The following AP2A1 variants were observed in gnomAD, a reference collection of about 807,000 sequenced individuals.
AP2A1 encodes adaptor related protein complex 2 subunit alpha 1, also known as AP-2 complex subunit alpha-1.
Under a neutral mutation model 107.3 loss-of-function variants are expected in AP2A1, and 21 were observed. The observed-to-expected ratio is 0.20, with a 90% CI of 0.14 to 0.28. The LOEUF (loss-of-function observed/expected upper bound fraction) is 0.28. Among genes scored for constraint, AP2A1 ranks in the 10% least tolerant of loss-of-function variants. AP2A1 has a pLI of 1.00. For missense variants in AP2A1, 873 were observed against 1,307.7 expected (o/e 0.67, Z 5.13); for synonymous variants, 602 against 564.8 (o/e 1.07, Z -0.93).
At chr19:49,787,151 C>T (rs1255448753) in intron 4 of AP2A1, among the ~76,000 whole-genome samples, 5 of 151,450 alleles carry the variant, frequency 3.3e-5, no homozygotes, top group Non-Finnish European at 5.9e-5. Context: ...TGATTATAGG[C>T]GTGCACCACC....
intron 1 of AP2A1, among the ~76,000 whole-genome samples, chr19:49,776,811 G>A (rs1207061411): frequency 1.3e-5 from 2 of 152,220 alleles, no homozygotes; most frequent in Non-Finnish European, 2.9e-5. Context: ...TCCCTTTGGG[G>A]CCACAACTGC....
intron 4 of AP2A1, among the ~76,000 whole-genome samples, chr19:49,784,100 A>G (rs1473613833): frequency 6.6e-6 from 1 of 152,240 alleles, no homozygotes; most frequent in Non-Finnish European, 1.5e-5. Context: ...CTCTAAACAC[A>G]TGACACAAGA....
intron 12 of AP2A1, 96 bp from the exon 13 acceptor site, chr19:49,801,294 T>C (rs2073275841): frequency 2.3e-6 from 3 of 1,301,466 alleles, no homozygotes; most frequent in Non-Finnish European, 2.1e-6. Context: ...CTTGGGGTCC[T>C]GGGACGGGTC....
rs769341765 is a variant in AP2A1 at position 49,799,661 on chromosome 19, G to A, written c.1167G>A (p.Ala389=). 2.0e-5 allele frequency: 33 copies of A among 1,611,932 alleles called. No individual in the cohort carries two copies. The East Asian group carries it at 2.5e-4, about 12-fold the overall frequency. ...GGGACGTCAGCGTGCGGCAGCGGGC[G>A]GCTGACCTCCTCTACGCCATGTGTG... The part of the protein sequence containing the change: ...TERDVSVRQR[A]ADLLYAMCDR... Residue 389 remains alanine, a synonymous_variant, in exon 10 of 23, where the codon GCG becomes GCA. Coordinates refer to ENST00000354293, the MANE Select transcript of AP2A1 (RefSeq NM_130787.3).
chr19:49,801,306 A>C (rs1325195165), intron 12 of AP2A1, 84 bp from the exon 13 acceptor site: 1 of 1,395,354 alleles, frequency 7.2e-7, no homozygotes, highest in African/African-American at 1.4e-5. Flanking sequence ...GGACGGGTCC[A>C]TCCTAGGGAG....
At chr19:49,776,408 C>T (rs547609176) in intron 1 of AP2A1, among the ~76,000 whole-genome samples, 3 of 152,210 alleles carry the variant, frequency 2.0e-5, no homozygotes, top group East Asian at 3.9e-4. Flanking sequence ...CCGTCCCCTG[C>T]GCCATTCTCA....
intron 6 of AP2A1, 28 bp from the exon 7 acceptor site, chr19:49,795,602 C>CCCCCCAA: frequency 7.3e-6 from 9 of 1,236,768 alleles, no homozygotes; most frequent in Admixed American, 2.0e-5. Flanking sequence ...CCCCAGCCCC[C>CCCCCCAA]AACTTATTTC....
At chr19:49,790,211 G>C (rs1343018895) in intron 4 of AP2A1, among the ~76,000 whole-genome samples, 1 of 152,190 alleles carries the variant, frequency 6.6e-6, no homozygotes. Context: ...GAGGCCACCT[G>C]CTTTCCTTGG....
rs763004591 is a variant in AP2A1, at chr19:49,801,047, C to T, written c.1542C>T (p.Asp514=). 2.5e-6 allele frequency: 4 copies of T among 1,605,274 alleles called. No individual in the cohort carries two copies. Among genetic ancestry groups the T allele is most frequent in the Non-Finnish European group, 3.4e-6 (4 of 1,176,206 alleles). Residue 514 remains aspartate, a synonymous_variant, in exon 12 of 23, where the codon GAC becomes GAT. Transcript: ENST00000354293. ...LGEFGNLIAG[D]PRSSPPVQFS... is the part of the protein sequence containing the mutation. Reference sequence around the variant, plus strand: ...AGTTTGGGAACCTGATTGCTGGGGACCCCCGCTCCAGGTGAGGGAGCCTCA... The same window carrying T: ...AGTTTGGGAACCTGATTGCTGGGGATCCCCGCTCCAGGTGAGGGAGCCTCA...
intron 4 of AP2A1, among the ~76,000 whole-genome samples, chr19:49,786,055 G>A (rs964452661): frequency 2.0e-5 from 3 of 152,110 alleles, no homozygotes; most frequent in Non-Finnish European, 2.9e-5. Context: ...ACTCCAGCCC[G>A]AGTGACAGAG....
chr19:49,792,271 C>T (rs1482058340), intron 5 of AP2A1, among the ~76,000 whole-genome samples: 1 of 145,454 alleles, frequency 6.9e-6, no homozygotes, highest in Admixed American at 6.8e-5. Context: ...AGCCCTCACG[C>T]CCCCTGGATG....
chr19:49,783,075 T>C lies in AP2A1; in HGVS notation c.473+351T>C, dbSNP rs1175943359. ...CACCAAACATTTACTGAGCACATAC[T>C]ATGTGCCAGGCACTGTGCTGATTGC... On this transcript the variant is annotated intron_variant, in intron 4 of 22. Coordinates refer to ENST00000354293, the MANE Select transcript of AP2A1 (RefSeq NM_130787.3). Among the ~76,000 whole-genome samples the C allele has an allele frequency of 2.0e-5, 3 of 152,348 alleles. No individual in the cohort carries two copies. In the South Asian group the frequency reaches 6.2e-4, roughly 32 times the overall value.
intron 18 of AP2A1, chr19:49,804,875 C>G (rs1052831438): frequency 1.2e-4 from 18 of 152,216 alleles, no homozygotes; most frequent in African/African-American, 4.3e-4. Context: ...GCCGCCACAC[C>G]CGGCTGGATT....
chr19:49,799,166 C>G (rs1229316414), intron 8 of AP2A1, among the ~76,000 whole-genome samples, 161 bp from the exon 9 acceptor site: 1 of 152,190 alleles, frequency 6.6e-6, no homozygotes, highest in Non-Finnish European at 1.5e-5. Flanking sequence ...CTCAAAGGCC[C>G]AGTTGTCTGG....
At chr19:49,802,280 T>G (rs965010531) in intron 15 of AP2A1, 139 bp downstream of exon 15, 1 of 810,012 alleles carries the variant, frequency 1.2e-6, no homozygotes, top group Non-Finnish European at 2.0e-6. Context: ...TCGCCAGCCC[T>G]GGCTGCTGCC....
intron 4 of AP2A1, among the ~76,000 whole-genome samples, chr19:49,786,595 A>AG (rs1221917742): frequency 6.6e-6 from 1 of 152,060 alleles, no homozygotes; most frequent in African/African-American, 2.4e-5. Flanking sequence ...ACGCTCTGGC[A>AG]GGGGGGGTGG....
chr19:49,793,392 C>T (rs1446809918), intron 6 of AP2A1, among the ~76,000 whole-genome samples: 2 of 152,174 alleles, frequency 1.3e-5, no homozygotes, highest in East Asian at 1.9e-4. Flanking sequence ...CCGAGCACCC[C>T]GGGAGCCAGC....
Position 49,795,649 on chromosome 19 carries a change from C to G in AP2A1, c.725C>G (p.Thr242Ser). ...RLSRIVSSAS[T>S]DLQDYTYYFV... The stretch of plus-strand genomic sequence containing the variant: ...CGCCAGATCGTCTCCTCTGCCTCCA[C>G]CGACCTCCAGGACTACACCTACTAC... The change falls in exon 7 of 23, where the codon ACC (threonine) becomes AGC (serine). Residue 242 changes from threonine (T) to serine (S), a missense_variant. Coordinates refer to ENST00000354293, the MANE Select transcript of AP2A1 (RefSeq NM_130787.3). 1 of 1,568,780 alleles carries G rather than the reference C, an allele frequency of 6.4e-7. No individual in the cohort carries two copies. The highest frequency in any genetic ancestry group is 8.6e-7 in the Non-Finnish European group (1 of 1,157,102).
In AP2A1 at chr19:49,801,755, G is replaced by A. The variant is rs1291804066; in HGVS notation, c.1819G>A (p.Glu607Lys). 6.4e-7 allele frequency: 1 copy of A among 1,553,768 alleles called. No homozygotes were observed. The highest frequency in any genetic ancestry group is 1.2e-5 in the South Asian group (1 of 84,556). Reference protein sequence around the residue: ...TVLEEMPPFPERESSILAKLK... With the variant: ...TVLEEMPPFPKRESSILAKLK... ...GCTGGAGGAGATGCCGCCCTTCCCC[G>A]AGCGCGAGTCGTCCATCCTGGCCAA... Residue 607 changes from glutamate (E) to lysine (K), a missense_variant, in exon 14 of 23, where the codon GAG (glutamate) becomes AAG (lysine). Physicochemically the swap from Glu to Lys is moderately conservative, Grantham distance 56 (BLOSUM62 1). Transcript: ENST00000354293.
Sources: gnomAD v4.1 joint callset for allele counts (sites outside exome capture counted in the v4.1 genomes callset) on GRCh38, gnomAD v4.1.1 for gene constraint, MANE v1.5 for transcripts, NCBI Gene and HGNC (gene_info 2026-07-23, HGNC 2026-07-21) for gene names.